The following ZNF841 variants were observed in gnomAD, a reference collection of about 807,000 sequenced individuals.
ZNF841 encodes the protein TCONS_00006091.
Under a neutral mutation model 13.0 loss-of-function variants are expected in ZNF841, and 11 were observed. The observed-to-expected ratio is 0.85, with a 90% CI of 0.53 to 1.40. The LOEUF (loss-of-function observed/expected upper bound fraction) is 1.40. Ranked by LOEUF, ZNF841 falls within the 40% of genes most tolerant of loss-of-function variation. The pLI is 0.00. For synonymous variants in ZNF841, 369 were observed against 381.6 expected, an observed-to-expected ratio of 0.97 and a Z score of 0.38; for missense variants, 1,068 against 1,139.5, an observed-to-expected ratio of 0.94 and a Z score of 0.90.
intron 1 of ZNF841, 147 bp from the exon 2 acceptor site, chr19:52,094,118 AAG>A (rs2088595523): frequency 6.6e-6 from 1 of 152,202 alleles, no homozygotes; most frequent in Non-Finnish European, 1.5e-5. Flanking sequence ...CATTGGGAAG[AAG>A]AGAGTTACCA....
intron 3 of ZNF841, among the ~76,000 whole-genome samples, chr19:52,086,884 G>C (rs1200139937): frequency 6.6e-6 from 1 of 152,226 alleles, no homozygotes; most frequent in East Asian, 1.9e-4. Context: ...GGATATGAAA[G>C]TTTCATCCAA....
At position 52,065,649 on chromosome 19, in the gene ZNF841, C is replaced by T. The variant is rs142391933; in HGVS notation, c.2233G>A (p.Val745Ile). ...MPYKCIECGKVFNSTTTLARH... is the reference protein window; with the variant it reads ...MPYKCIECGKIFNSTTTLARH... ...GCCAGGGTTGTAGTGGAGTTAAAGA[C>T]TTTCCCACATTCAATACATTTGTAT... The change falls in exon 7 of 7, where the codon GTC (valine) becomes ATC (isoleucine). Residue 745 changes from valine (V) to isoleucine (I), a missense_variant. Coordinates refer to ENST00000594440, the MANE Select transcript of ZNF841 (RefSeq NM_001136499.2). 1 of 1,606,870 alleles carries T rather than the reference C, an allele frequency of 6.2e-7. No individual in the cohort carries two copies. Among genetic ancestry groups the T allele is most frequent in the Non-Finnish European group, 8.5e-7 (1 of 1,176,252 alleles).
intron 5 of ZNF841, chr19:52,076,399 A>G (rs2087901847): frequency 1.1e-5 from 5 of 468,186 alleles, no homozygotes; most frequent in South Asian, 9.9e-5. Context: ...ATACTGGCTC[A>G]AGCCTGTAAT....
intron 6 of ZNF841, 36 bp from the exon 7 acceptor site, chr19:52,067,646 CTAT>C (rs752242680): frequency 2.2e-6 from 3 of 1,340,642 alleles, no homozygotes; most frequent in Non-Finnish European, 3.0e-6. Context: ...TTTAAAATAA[CTAT>C]TATTGGTAAA....
At position 52,066,990 on chromosome 19, in the gene ZNF841, A is replaced by G; in HGVS notation, c.892T>C (p.Phe298Leu). ...ACTGTTAGTAGTGAGCCCCGATGAA[A>G]GGCTTTACCAGACTCATTGCATCTG... ...PYRCNESGKA[F>L]HRGSLLTVHQ... Residue 298 changes from phenylalanine (F) to leucine (L), a missense_variant, in exon 7 of 7, where the codon TTT (phenylalanine) becomes CTT (leucine). Physicochemically the swap from Phe to Leu is conservative, Grantham distance 22. Coordinates refer to ENST00000594440, the MANE Select transcript of ZNF841 (RefSeq NM_001136499.2). 6.2e-7 allele frequency: 1 copy of G among 1,614,108 alleles called. No individual in the cohort carries two copies. Among genetic ancestry groups the G allele is most frequent in the Non-Finnish European group, 8.5e-7 (1 of 1,179,990 alleles).
chr19:52,076,863 T>G, intron 5 of ZNF841, 95 bp downstream of exon 5: 1 of 1,467,386 alleles, frequency 6.8e-7, no homozygotes, highest in Non-Finnish European at 9.3e-7. Context: ...CTTCAGTCTC[T>G]GTCAAATAAT....
the ZNF841 span, among the ~76,000 whole-genome samples, chr19:52,059,309 C>T: frequency 2.2e-4 from 30 of 136,820 alleles, no homozygotes; most frequent in South Asian, 4.7e-4. Context: ...GAGATCGCGC[C>T]GCTGCACTCC....
Position 52,067,546 on chromosome 19 carries a change from T to C in ZNF841, c.336A>G (p.Lys112=). The C allele has an allele frequency of 2.5e-6, 4 of 1,599,696 alleles. No homozygotes were observed. In the South Asian group the frequency reaches 4.6e-5, roughly 18 times the overall value. The change falls in exon 7 of 7, where the codon AAA becomes AAG. Residue 112 remains lysine (K), a synonymous_variant. Transcript: ENST00000594440. The part of the protein sequence containing the change: ...PPIQNSNTGE[K]FQAVMLEGHE... The stretch of plus-strand genomic sequence containing the variant: ...GTCCTTCCAACATCACTGCTTGGAA[T>C]TTTTCTCCTGTGTTACTGTTCTGTA...
intron 4 of ZNF841, among the ~76,000 whole-genome samples, chr19:52,079,995 GA>G (rs750531184): frequency 0.036 from 4,028 of 110,936 alleles, 182 homozygotes; most frequent in African/African-American, 0.12. Flanking sequence ...CCATCTCAGG[GA>G]AAAAAAAAAA....
chr19:52,080,483 G>A (rs945239571), intron 4 of ZNF841, among the ~76,000 whole-genome samples: 2 of 152,170 alleles, frequency 1.3e-5, no homozygotes, highest in Non-Finnish European at 2.9e-5. Flanking sequence ...GATCATCTAG[G>A]GGATGGAAAG....
At chr19:52,059,576 A>T (rs2087364289), downstream of ZNF841, among the ~76,000 whole-genome samples, 1 of 151,916 alleles carries the variant, frequency 6.6e-6, no homozygotes, top group Non-Finnish European at 1.5e-5. Context: ...CAGGATTTTT[A>T]AAACACAACA....
At chr19:52,078,428 G>T (rs186560823) in intron 4 of ZNF841, among the ~76,000 whole-genome samples, 2 of 152,110 alleles carry the variant, frequency 1.3e-5, no homozygotes, top group African/African-American at 2.4e-5. Flanking sequence ...AAAGAAATAT[G>T]TAAAAAAGTT....
At position 52,066,157 on chromosome 19, in the gene ZNF841, G is replaced by A. The variant is rs370657077; in HGVS notation, c.1725C>T (p.Gly575=). The A allele has an allele frequency of 3.5e-5, 56 of 1,613,800 alleles. No homozygotes were observed. In the South Asian group the frequency reaches 4.3e-4, roughly 12 times the overall value. ...GGCATGAATAGTAAGTGAAGACCAT[G>A]CCACATTTATTACAATGGAGAGGTT... is the stretch of plus-strand genomic sequence containing the variant. The part of the protein sequence containing the change: ...GEKPLHCNKC[G]MVFTYYSCLA... Residue 575 remains glycine (G), a synonymous_variant, in exon 7 of 7, where the codon GGC becomes GGT. Coordinates refer to ENST00000594440, the MANE Select transcript of ZNF841 (RefSeq NM_001136499.2).
chr19:52,064,262 C>T (rs535902677), downstream of ZNF841, among the ~76,000 whole-genome samples: 10 of 142,650 alleles, frequency 7.0e-5, no homozygotes, highest in South Asian at 2.3e-4. Context: ...AGGAGAATGG[C>T]GTGAACCCAG....
downstream of ZNF841, among the ~76,000 whole-genome samples, chr19:52,060,222 C>T (rs908429048): frequency 6.6e-6 from 1 of 152,150 alleles, no homozygotes; most frequent in Non-Finnish European, 1.5e-5. Flanking sequence ...AGTCAAGACC[C>T]TCTACTGGTA....
At chr19:52,067,634 G>T in intron 6 of ZNF841, 24 bp from the exon 7 acceptor site, 1 of 1,404,094 alleles carries the variant, frequency 7.1e-7, no homozygotes, top group Non-Finnish European at 9.4e-7. Flanking sequence ...TGAACATGGG[G>T]TTTTAAAATA....
In ZNF841 at chr19:52,079,995, GAA is replaced by G. The variant is rs750531184; in HGVS notation, c.16-2913_16-2912del. Among the ~76,000 whole-genome samples, 100 of 110,962 alleles carry G rather than the reference GAA, an allele frequency of 9.0e-4. 1 individual carries two copies. The highest frequency in any genetic ancestry group is 2.8e-3 in the African/African-American group (86 of 30,722). The allele number at this position is 110,962 out of a possible 152,430, so 72.8% of individuals were successfully genotyped here. A position where few individuals can be genotyped will look rare whatever the true frequency, so the allele number is the denominator to read the frequency against. On this transcript the variant is annotated intron_variant, in intron 4 of 6. Transcript: ENST00000594440. ...AACAAGAGCGAAACTCCATCTCAGG[GAA>G]AAAAAAAAAAAAAAAAAGAGATAAC...
chr19:52,086,028 A>G (rs2088262367), intron 3 of ZNF841, among the ~76,000 whole-genome samples: 1 of 152,128 alleles, frequency 6.6e-6, no homozygotes, highest in African/African-American at 2.4e-5. Flanking sequence ...AGTGCAGGGG[A>G]ATGTACTTGG....
chr19:52,073,849 A>T (rs1424802355), intron 6 of ZNF841, among the ~76,000 whole-genome samples: 1 of 152,214 alleles, frequency 6.6e-6, no homozygotes, highest in African/African-American at 2.4e-5. Context: ...TTTGAACAAA[A>T]CCCAGCAAGC....
Sources: gnomAD v4.1 joint callset for allele counts (sites outside exome capture counted in the v4.1 genomes callset) on GRCh38, gnomAD v4.1.1 for gene constraint, MANE v1.5 for transcripts, NCBI Gene and HGNC (gene_info 2026-07-23, HGNC 2026-07-21) for gene names.